The following FRMPD4 variants were observed in gnomAD, a reference collection of about 807,000 sequenced individuals.
The protein encoded by FRMPD4 is FERM and PDZ domain containing 4.
FRMPD4 carries 22 observed loss-of-function variants against 94.1 expected under a neutral mutation model. That is an observed-to-expected ratio of 0.23 (90% CI 0.17 to 0.33). The LOEUF (loss-of-function observed/expected upper bound fraction) is 0.33, where lower values mean the gene tolerates loss of function less well. Among genes scored for constraint, FRMPD4 ranks in the 10% least tolerant of loss-of-function variants. The pLI is 1.00. For synonymous variants in FRMPD4, 631 were observed against 548.6 expected (o/e 1.15, Z -2.10); for missense variants, 1,111 against 1,339.9 (o/e 0.83, Z 2.67).
chrX:12,417,594 A>T (rs2056821452), intron 1 of FRMPD4, among the ~76,000 whole-genome samples: 1 of 109,477 alleles, frequency 9.1e-6, no homozygotes, highest in South Asian at 3.9e-4. Context: ...AAAAAAAAAA[A>T]AAATTAGTTT....
intron 2 of FRMPD4, among the ~76,000 whole-genome samples, chrX:12,599,307 A>G (rs1324142604): frequency 1.2e-5 from 1 of 80,059 alleles, no homozygotes; most frequent in East Asian, 4.0e-4. Flanking sequence ...TCCTGCAGGT[A>G]AAAAAAAAAC....
At chrX:12,116,040 A>T (rs914547583) in intron 3 of FRMPD4, among the ~76,000 whole-genome samples, 2 of 112,377 alleles carry the variant, frequency 1.8e-5, no homozygotes. Context: ...GTTCCCCATC[A>T]GTCTTACTAT....
At chrX:12,092,356 G>T (rs191404080) in intron 3 of FRMPD4, among the ~76,000 whole-genome samples, 106 of 112,213 alleles carry the variant, frequency 9.4e-4, no homozygotes, top group African/African-American at 3.4e-3. Flanking sequence ...CTGAAACTTT[G>T]ATGTTTTCCT....
At chrX:12,647,137 C>T (rs188437083) in intron 4 of FRMPD4, among the ~76,000 whole-genome samples, 2 of 112,054 alleles carry the variant, frequency 1.8e-5, no homozygotes, top group East Asian at 5.6e-4. Flanking sequence ...CTGGTTCTTC[C>T]TTCTCCATGA....
intron 4 of FRMPD4, among the ~76,000 whole-genome samples, chrX:12,656,299 T>G (rs1248300506): frequency 8.9e-6 from 1 of 112,302 alleles, no homozygotes; most frequent in Non-Finnish European, 1.9e-5. Context: ...ACAGAGTCAT[T>G]GGTTGAACAC....
At chrX:12,486,300 G>A (rs920834943) in intron 1 of FRMPD4, among the ~76,000 whole-genome samples, 1 of 111,870 alleles carries the variant, frequency 8.9e-6, no homozygotes, top group African/African-American at 3.3e-5. Context: ...CATTAAAAAT[G>A]CTGAATCCTG....
chrX:12,614,899 C>T lies in FRMPD4; in HGVS notation c.422+18C>T, dbSNP rs767363646. On this transcript the variant is annotated intron_variant, in intron 4 of 16. Transcript: ENST00000675598. ...CTGGTCAGGTGAGTGACTCATTCAC[C>T]TGTGTCCTGTTCTGCTTTGAAGGCT... 1.1e-6 allele frequency: 1 copy of T among 950,097 alleles called. No individual in the cohort carries two copies. Among genetic ancestry groups the T allele is most frequent in the Non-Finnish European group, 1.5e-6 (1 of 662,769 alleles). 78.3% of individuals were successfully genotyped at this position (950,097 alleles called of 1,213,427 possible).
At chrX:12,184,558 C>T (rs971362267) in intron 1 of FRMPD4, among the ~76,000 whole-genome samples, 2 of 112,074 alleles carry the variant, frequency 1.8e-5, no homozygotes, top group African/African-American at 3.2e-5. Flanking sequence ...CAGTATTACA[C>T]ATTTACTCCA....
chrX:12,577,688 G>A (rs1291189401), intron 2 of FRMPD4, among the ~76,000 whole-genome samples: 1 of 111,732 alleles, frequency 8.9e-6, no homozygotes, highest in Non-Finnish European at 1.9e-5. Context: ...GGCAGGGCTT[G>A]AAAGCTGGGG....
chrX:12,327,970 C>G (rs1287546440), intron 1 of FRMPD4, among the ~76,000 whole-genome samples: 1 of 111,727 alleles, frequency 9.0e-6, no homozygotes, highest in Non-Finnish European at 1.9e-5. Flanking sequence ...GTCTACTTCT[C>G]TTCCCCTTGA....
In FRMPD4 at chrX:12,647,243, C is replaced by T. The variant is rs147321984; in HGVS notation, c.423-27620C>T. Among the ~76,000 whole-genome samples, 57 of 111,751 alleles carry T rather than the reference C, an allele frequency of 5.1e-4. No individual in the cohort carries two copies. In the East Asian group the frequency reaches 0.012, roughly 24 times the overall value. On this transcript the variant is annotated intron_variant, in intron 4 of 16. Coordinates refer to ENST00000675598, the MANE Select transcript of FRMPD4 (RefSeq NM_001368397.1). ...TTGTGTGTGTATAGATAATCTAGGG[C>T]GTGATCCCAGGAAACACCAGCCAGA...
At chrX:11,957,581 A>G (rs1279548511) in intron 3 of FRMPD4, among the ~76,000 whole-genome samples, 1 of 111,025 alleles carries the variant, frequency 9.0e-6, no homozygotes, top group Non-Finnish European at 1.9e-5. Context: ...ACTGATTTAT[A>G]TGGAGTAAAA....
At chrX:12,294,485 C>CAG (rs1555947932) in intron 1 of FRMPD4, among the ~76,000 whole-genome samples, 152 of 92,089 alleles carry the variant, frequency 1.7e-3, no homozygotes, top group East Asian at 4.4e-3. Flanking sequence ...CACACACACA[C>CAG]AGAGAGAGAG....
At chrX:12,248,583 T>C (rs1415137587) in intron 1 of FRMPD4, among the ~76,000 whole-genome samples, 1 of 112,535 alleles carries the variant, frequency 8.9e-6, no homozygotes, top group Non-Finnish European at 1.9e-5. Context: ...TATGAATTTT[T>C]TTTATTTTCT....
intron 1 of FRMPD4, among the ~76,000 whole-genome samples, chrX:12,351,174 A>C (rs1225121524): frequency 9.3e-6 from 1 of 107,297 alleles, no homozygotes; most frequent in African/African-American, 3.4e-5. Flanking sequence ...CCACCTCACA[A>C]AAAAAAAAAA....
chrX:12,404,705 A>T (rs1435705036), intron 1 of FRMPD4, among the ~76,000 whole-genome samples: 2 of 112,027 alleles, frequency 1.8e-5, no homozygotes, highest in East Asian at 5.6e-4. Context: ...GTTTCTTCTT[A>T]CAACCAGCAA....
intron 4 of FRMPD4, among the ~76,000 whole-genome samples, chrX:12,665,671 C>A (rs960339057): frequency 8.0e-5 from 9 of 111,941 alleles, no homozygotes; most frequent in Non-Finnish European, 1.7e-4. Flanking sequence ...TATCCAGCCA[C>A]ACTAAGCTTC....
chrX:12,153,025 CCGG>C (rs2055881058), intron 1 of FRMPD4, among the ~76,000 whole-genome samples: 1 of 107,717 alleles, frequency 9.3e-6, no homozygotes, highest in Admixed American at 9.8e-5. Context: ...GCTCCGCTTC[CCGG>C]GTTCACGCCA....
intron 2 of FRMPD4, among the ~76,000 whole-genome samples, chrX:12,600,485 G>A (rs1481439831): frequency 8.9e-6 from 1 of 112,103 alleles, no homozygotes; most frequent in Non-Finnish European, 1.9e-5. Flanking sequence ...TCAAATAACT[G>A]TTGTTATGTC....
Sources: gnomAD v4.1 joint callset for allele counts (sites outside exome capture counted in the v4.1 genomes callset) on GRCh38, gnomAD v4.1.1 for gene constraint, MANE v1.5 for transcripts, NCBI Gene and HGNC (gene_info 2026-07-23, HGNC 2026-07-21) for gene names.